The following CHST15 variants were observed in gnomAD, a reference collection of about 807,000 sequenced individuals.
The protein encoded by CHST15 is carbohydrate sulfotransferase 15.
In CHST15, 30 loss-of-function variants were observed where a neutral mutation model predicts 53.6. The ratio of observed to expected loss-of-function variants is 0.56; its 90% CI spans 0.42 to 0.76. The LOEUF is 0.76. Among genes scored for constraint, CHST15 ranks in the 30% least tolerant of loss-of-function variants. The pLI is 0.00. For synonymous variants in CHST15, 296 were observed against 289.8 expected, an observed-to-expected ratio of 1.02 and a Z score of -0.22; for missense variants, 627 against 740.5, an observed-to-expected ratio of 0.85 and a Z score of 1.78.
intron 5 of CHST15, among the ~76,000 whole-genome samples, chr10:124,029,085 T>G (rs2133906835): frequency 6.6e-6 from 1 of 152,316 alleles, no homozygotes. Context: ...CTTGTTATTC[T>G]CCATTTGCTG....
chr10:124,055,474 C>A (rs1358140977), intron 1 of CHST15, among the ~76,000 whole-genome samples: 1 of 152,086 alleles, frequency 6.6e-6, no homozygotes, highest in African/African-American at 2.4e-5. Flanking sequence ...TTTCAGTGTG[C>A]ATATATTATA....
chr10:124,044,354 G>A (rs576671448), intron 3 of CHST15, among the ~76,000 whole-genome samples: 2 of 152,322 alleles, frequency 1.3e-5, no homozygotes, highest in East Asian at 3.9e-4. Context: ...TGCCAGTTCT[G>A]ACTCGTCCCC....
At chr10:124,033,543 A>G (rs1250195224) in intron 5 of CHST15, among the ~76,000 whole-genome samples, 1 of 152,220 alleles carries the variant, frequency 6.6e-6, no homozygotes, top group Non-Finnish European at 1.5e-5. Context: ...AACCAACAGA[A>G]TATGGCAATG....
At chr10:124,041,741 A>G (rs920455150) in intron 4 of CHST15, among the ~76,000 whole-genome samples, 2 of 152,274 alleles carry the variant, frequency 1.3e-5, no homozygotes, top group Admixed American at 6.5e-5. Flanking sequence ...AATATTTAAA[A>G]CAAATTATTA....
chr10:124,038,106 TTA>T (rs1491196052), intron 5 of CHST15, among the ~76,000 whole-genome samples: 14 of 141,052 alleles, frequency 9.9e-5, no homozygotes, highest in African/African-American at 3.6e-4. Context: ...TGTTTTTATT[TTA>T]TTTTATTTTT....
At chr10:124,025,269 C>T (rs1403251085) in intron 5 of CHST15, among the ~76,000 whole-genome samples, 1 of 152,180 alleles carries the variant, frequency 6.6e-6, no homozygotes. Context: ...CAGGCAAGCC[C>T]ACCCCTAGCA....
chr10:124,053,861 G>A (rs1169493674), intron 1 of CHST15, among the ~76,000 whole-genome samples: 1 of 152,078 alleles, frequency 6.6e-6, no homozygotes, highest in Non-Finnish European at 1.5e-5. Flanking sequence ...TGAGGCTACG[G>A]TGAGTTGTGA....
In CHST15 at chr10:124,009,678, G is replaced by C; in HGVS notation, c.*471C>G. ...TGAAGATAGCCATTGAATACAGACA[G>C]TCTGTGCAACACGGCGAGACCCCAT... is the stretch of plus-strand genomic sequence containing the variant. On this transcript the variant is annotated 3_prime_UTR_variant, in exon 8 of 8. Coordinates refer to ENST00000435907, the MANE Select transcript of CHST15 (RefSeq NM_001270764.2). 2 of 1,010,844 alleles carry C rather than the reference G, an allele frequency of 2.0e-6. No individual in the cohort carries two copies. Among genetic ancestry groups the C allele is most frequent in the Non-Finnish European group, 2.4e-6 (2 of 844,084 alleles). 62.6% of individuals were successfully genotyped at this position (1,010,844 alleles called of 1,614,324 possible).
At chr10:124,050,650 G>A (rs934456641) in intron 1 of CHST15, among the ~76,000 whole-genome samples, 6 of 152,208 alleles carry the variant, frequency 3.9e-5, no homozygotes, top group African/African-American at 1.4e-4. Flanking sequence ...AAAGAAGTGG[G>A]AGGTATGATA....
At chr10:124,070,860 C>T (rs962287031) in intron 1 of CHST15, among the ~76,000 whole-genome samples, 3 of 152,148 alleles carry the variant, frequency 2.0e-5, no homozygotes, top group African/African-American at 7.2e-5. Flanking sequence ...GAGAACCCGC[C>T]GACCCACTAC....
intron 1 of CHST15, among the ~76,000 whole-genome samples, chr10:124,078,556 G>A (rs1038514354): frequency 3.3e-5 from 5 of 152,158 alleles, no homozygotes; most frequent in African/African-American, 1.2e-4. Context: ...GAGGTAGAAG[G>A]TCACCTCTGT....
chr10:124,022,460 C>T (rs80124516), intron 5 of CHST15, among the ~76,000 whole-genome samples: 2,070 of 152,342 alleles, frequency 0.014, 35 homozygotes, highest in African/African-American at 0.044. Flanking sequence ...AAAGCCAGAA[C>T]CTGGCTGGGC....
rs115327355 is a variant in CHST15 at position 124,043,568 on chromosome 10, T to C, written c.886+1012A>G. Among the ~76,000 whole-genome samples, 879 of 152,282 alleles carry C rather than the reference T, an allele frequency of 5.8e-3. 5 individuals carry two copies. Among genetic ancestry groups the C allele is most frequent in the African/African-American group, 0.017 (691 of 41,538 alleles). ...GGCCTGCCAGGACTCTGGTTGACAATAGGCACGTATCACCCCTCAGCTCCA... is the reference window on the plus strand; with the variant it reads ...GGCCTGCCAGGACTCTGGTTGACAACAGGCACGTATCACCCCTCAGCTCCA... On this transcript the variant is annotated intron_variant, in intron 3 of 7. Transcript: ENST00000435907.
chr10:124,045,116 A>AAAAAAAAC (rs1564881824), intron 2 of CHST15, among the ~76,000 whole-genome samples, 197 bp from the exon 3 acceptor site: 24 of 107,112 alleles, frequency 2.2e-4, no homozygotes, highest in African/African-American at 9.5e-4. Context: ...GCCCCACAAA[A>AAAAAAAAC]AAAAAAAAAA....
chr10:124,043,907 G>A (rs1446775068), intron 3 of CHST15, among the ~76,000 whole-genome samples: 3 of 151,880 alleles, frequency 2.0e-5, no homozygotes, highest in African/African-American at 7.3e-5. Context: ...CAGAGCAGGG[G>A]AACAGCACAG....
chr10:124,022,920 G>A (rs1378389030), intron 5 of CHST15, among the ~76,000 whole-genome samples: 2 of 149,542 alleles, frequency 1.3e-5, no homozygotes, highest in East Asian at 2.0e-4. Context: ...GGGTTCAAGC[G>A]ATTCTCCTGC....
chr10:124,063,145 G>A (rs1948641841), intron 1 of CHST15, among the ~76,000 whole-genome samples: 2 of 152,254 alleles, frequency 1.3e-5, no homozygotes, highest in African/African-American at 4.8e-5. Flanking sequence ...CACTTTAGGA[G>A]GCCGAGGCGG....
intron 1 of CHST15, among the ~76,000 whole-genome samples, chr10:124,088,259 C>T (rs1242017148): frequency 6.6e-6 from 1 of 152,222 alleles, no homozygotes; most frequent in Admixed American, 6.5e-5. Context: ...TGCACTTTGC[C>T]AAGCCCCATA....
At chr10:124,065,032 A>G (rs942592188) in intron 1 of CHST15, among the ~76,000 whole-genome samples, 11 of 152,206 alleles carry the variant, frequency 7.2e-5, no homozygotes, top group South Asian at 2.1e-4. Flanking sequence ...AACACACATA[A>G]AAACATAGCC....
Sources: gnomAD v4.1 joint callset for allele counts (sites outside exome capture counted in the v4.1 genomes callset) on GRCh38, gnomAD v4.1.1 for gene constraint, MANE v1.5 for transcripts, NCBI Gene and HGNC (gene_info 2026-07-23, HGNC 2026-07-21) for gene names.